The following KDM5C variants were observed in gnomAD, a reference collection of about 807,000 sequenced individuals.
The protein encoded by KDM5C is lysine-specific demethylase 5C.
In KDM5C, 16 loss-of-function variants were observed where a neutral mutation model predicts 110.6. The observed-to-expected ratio is 0.14, with a 90% CI of 0.10 to 0.22. The LOEUF is 0.22. Ranked by LOEUF, KDM5C falls within the 10% of genes least tolerant of loss-of-function variation. The probability of loss-of-function intolerance (pLI) is 1.00; values close to 1 mark genes in which losing one functional copy is unlikely to be tolerated. For synonymous variants in KDM5C, 511 were observed against 520.4 expected (o/e 0.98, Z 0.24); for missense variants, 681 against 1,300.9 (o/e 0.52, Z 7.33).
chrX:53,210,281 C>G, intron 12 of KDM5C, 133 bp downstream of exon 12: 2 of 839,469 alleles, frequency 2.4e-6, no homozygotes, highest in Non-Finnish European at 3.5e-6. Context: ...TAGTCAAACC[C>G]GTAGCCCAAT....
Position 53,225,194 on chromosome X carries a change from C to T in KDM5C, c.-305G>A. 3 of 361,018 alleles carry T rather than the reference C, an allele frequency of 8.3e-6. No individual in the cohort carries two copies. In the South Asian group the frequency reaches 2.0e-4, roughly 24 times the overall value. 29.8% of individuals were successfully genotyped at this position (361,018 alleles called of 1,213,427 possible). On this transcript the variant is annotated 5_prime_UTR_variant, in exon 1 of 26. The change abolishes an upstream ATG in the 5' untranslated region. Transcript: ENST00000375401. ...CCGCGGCCTTCAGCGCCGCCGCCGC[C>T]ATCTTGGTTTGTCAGCGTCTCCCCT...
intron 5 of KDM5C, among the ~76,000 whole-genome samples, chrX:53,216,672 G>A (rs2073752186): frequency 9.0e-6 from 1 of 111,560 alleles, no homozygotes; most frequent in Admixed American, 9.5e-5. Context: ...GGGAACAGTG[G>A]TACACACCTG....
chrX:53,215,765 A>G (rs1569278116), intron 7 of KDM5C, 30 bp downstream of exon 7: 1 of 1,188,651 alleles, frequency 8.4e-7, no homozygotes, highest in Non-Finnish European at 1.1e-6. Context: ...CAAGAAGCAG[A>G]GCATTAAGAA....
intron 2 of KDM5C, among the ~76,000 whole-genome samples, chrX:53,219,048 T>C (rs1187545996): frequency 2.7e-5 from 3 of 112,720 alleles, no homozygotes; most frequent in Admixed American, 9.3e-5. Context: ...TCAGAGGAGT[T>C]AGGACACACA....
chrX:53,192,910 A>T lies in KDM5C; in HGVS notation c.*57T>A. 1 of 1,045,157 alleles carries T rather than the reference A, an allele frequency of 9.6e-7. No individual in the cohort carries two copies. 86.1% of individuals were successfully genotyped at this position (1,045,157 alleles called of 1,213,427 possible). A position where few individuals can be genotyped will look rare whatever the true frequency, so the allele number is the denominator to read the frequency against. On this transcript the variant is annotated 3_prime_UTR_variant, in exon 26 of 26. Coordinates refer to ENST00000375401, the MANE Select transcript of KDM5C (RefSeq NM_004187.5). ...AGAAGCAGGCTTGATGGTCAGAAAGAGGATCCTTGAGGCCGAGGGGGGTCT... is the reference window on the plus strand; with the variant it reads ...AGAAGCAGGCTTGATGGTCAGAAAGTGGATCCTTGAGGCCGAGGGGGGTCT...
At chrX:53,207,118 A>G (rs1459172873) in intron 12 of KDM5C, among the ~76,000 whole-genome samples, 1 of 90,452 alleles carries the variant, frequency 1.1e-5, no homozygotes, top group Non-Finnish European at 2.1e-5. Context: ...CGGAGGTTGC[A>G]GTGAGCTGAG....
chrX:53,197,736 C>T (rs1556838508), intron 18 of KDM5C, 35 bp downstream of exon 18: 4 of 1,100,131 alleles, frequency 3.6e-6, no homozygotes, highest in Non-Finnish European at 3.7e-6. Flanking sequence ...CCCCTGGTCC[C>T]CTTGATCCCT....
At chrX:53,209,786 T>C (rs2073502725) in intron 12 of KDM5C, among the ~76,000 whole-genome samples, 1 of 112,292 alleles carries the variant, frequency 8.9e-6, no homozygotes, top group Non-Finnish European at 1.9e-5. Context: ...CCATGTTGTA[T>C]ACCCAGCAAA....
Position 53,198,753 on chromosome X carries a change from C to G in KDM5C, c.2368+11G>C. 8.2e-7 allele frequency: 1 copy of G among 1,212,245 alleles called. No homozygotes were observed. The highest frequency in any genetic ancestry group is 1.1e-6 in the Non-Finnish European group (1 of 895,576). On this transcript the variant is annotated intron_variant, in intron 16 of 25. Transcript: ENST00000375401. ...TGCCTGTGGAGTCCCTCCATCCCCCCCATCACTCACTGCGCTTCCGCCCAT... is the reference window on the plus strand; with the variant it reads ...TGCCTGTGGAGTCCCTCCATCCCCCGCATCACTCACTGCGCTTCCGCCCAT...
chrX:53,215,747 T>G, intron 7 of KDM5C, 48 bp downstream of exon 7: 1 of 1,169,746 alleles, frequency 8.5e-7, no homozygotes, highest in Non-Finnish European at 1.2e-6. Context: ...GAATGCTTAT[T>G]GAAGGGACAA....
Position 53,192,876 on chromosome X carries a change from C to CCCCCCCCCCCCCCCACA in KDM5C, c.*90_*91insTGTGGGGGGGGGGGGGG. The CCCCCCCCCCCCCCCACA allele has an allele frequency of 1.0e-6, 1 of 987,043 alleles. No homozygotes were observed. The highest frequency in any genetic ancestry group is 1.3e-6 in the Non-Finnish European group (1 of 749,324). 81.3% of individuals were successfully genotyped at this position (987,043 alleles called of 1,213,427 possible). On this transcript the variant is annotated 3_prime_UTR_variant, in exon 26 of 26. Coordinates refer to ENST00000375401, the MANE Select transcript of KDM5C (RefSeq NM_004187.5). The stretch of plus-strand genomic sequence containing the variant: ...AGGGATGGCCACCCCCCTACCCGCC[C>CCCCCCCCCCCCCCCACA]ACCCCCCAAGAAGCAGGCTTGATGG...
chrX:53,194,918 C>T lies in KDM5C; in HGVS notation c.3438+13G>A, dbSNP rs781869533. ...ACCAAGCCCTTCTCCCCATCTGTGTCGAAGCTCCTTACCACAGAGCCTGGG... is the reference window on the plus strand; with the variant it reads ...ACCAAGCCCTTCTCCCCATCTGTGTTGAAGCTCCTTACCACAGAGCCTGGG... On this transcript the variant is annotated intron_variant, in intron 22 of 25. Transcript: ENST00000375401. 3.3e-6 allele frequency: 4 copies of T among 1,210,594 alleles called. No individual in the cohort carries two copies. Among genetic ancestry groups the T allele is most frequent in the Non-Finnish European group, 4.5e-6 (4 of 894,855 alleles).
At chrX:53,213,307 T>C (rs1302778870) in intron 8 of KDM5C, among the ~76,000 whole-genome samples, 1 of 111,908 alleles carries the variant, frequency 8.9e-6, no homozygotes, top group East Asian at 2.8e-4. Flanking sequence ...AACTAGAATC[T>C]CCACCACTAC....
intron 1 of KDM5C, among the ~76,000 whole-genome samples, chrX:53,222,407 C>A (rs1556855136): frequency 9.1e-6 from 1 of 109,417 alleles, no homozygotes; most frequent in African/African-American, 3.3e-5. Flanking sequence ...GGCTCAAATC[C>A]AGACAAGCTC....
At chrX:53,215,599 C>T (rs1245290802) in intron 7 of KDM5C, 196 bp downstream of exon 7, 4 of 469,026 alleles carry the variant, frequency 8.5e-6, no homozygotes, top group East Asian at 3.7e-5. Context: ...TTCATGTTGA[C>T]AGCACTTGAT....
Position 53,217,511 on chromosome X carries a change from C to T in KDM5C, c.523-234G>A, listed in dbSNP as rs192529282. ...AGTCACTTCCTCCACCAACCATCTC[C>T]CCAACTAAATCAGACGCCATCTCTT... is the stretch of plus-strand genomic sequence containing the variant. On this transcript the variant is annotated intron_variant, in intron 4 of 25. Coordinates refer to ENST00000375401, the MANE Select transcript of KDM5C (RefSeq NM_004187.5). Among the ~76,000 whole-genome samples, 323 of 111,582 alleles carry T rather than the reference C, an allele frequency of 2.9e-3. 1 individual carries two copies. Among genetic ancestry groups the T allele is most frequent in the African/African-American group, 9.8e-3 (301 of 30,698 alleles).
At chrX:53,179,149 G>A (rs1299380564) in intron 25 of KDM5C, among the ~76,000 whole-genome samples, 8 of 109,988 alleles carry the variant, frequency 7.3e-5, no homozygotes, top group Admixed American at 2.9e-4. Context: ...CGGGAGAATC[G>A]CTTTAATCCT....
At chrX:53,196,591 A>T in intron 19 of KDM5C, 95 bp downstream of exon 19, 1 of 700,888 alleles carries the variant, frequency 1.4e-6, no homozygotes, top group Non-Finnish European at 2.3e-6. Flanking sequence ...CAGGAGCGTG[A>T]TACCTAAGGC....
chrX:53,208,805 C>CTTTTTTT (rs782216325), intron 12 of KDM5C, among the ~76,000 whole-genome samples: 2 of 22,173 alleles, frequency 9.0e-5, no homozygotes, highest in Non-Finnish European at 1.4e-4. Context: ...ACACCCGGCT[C>CTTTTTTT]TTTTTTTTTT....
Sources: gnomAD v4.1 joint callset for allele counts (sites outside exome capture counted in the v4.1 genomes callset) on GRCh38, gnomAD v4.1.1 for gene constraint, MANE v1.5 for transcripts, NCBI Gene and HGNC (gene_info 2026-07-23, HGNC 2026-07-21) for gene names.